TMEM268: variants seen among roughly 807,000 people sequenced by gnomAD.
TMEM268 encodes transmembrane protein 268.
Under a neutral mutation model 39.1 loss-of-function variants are expected in TMEM268, and 24 were observed. The observed-to-expected ratio is 0.61, with a 90% CI of 0.44 to 0.86. The LOEUF (loss-of-function observed/expected upper bound fraction) is 0.86. Among genes scored for constraint, TMEM268 ranks in the 40% least tolerant of loss-of-function variants. The pLI is 0.00. For synonymous variants in TMEM268, 176 were observed against 173.5 expected (o/e 1.01, Z -0.12); for missense variants, 409 against 428.6 (o/e 0.95, Z 0.40).
upstream of TMEM268, among the ~76,000 whole-genome samples, chr9:114,610,042 A>ATTTT (rs112492997): frequency 6.9e-6 from 1 of 145,818 alleles, no homozygotes; most frequent in East Asian, 2.0e-4. Context: ...GGTTTTTGCA[A>ATTTT]TTTTTTTTTT....
At chr9:114,607,287 GCTTA>G (rs1564278375), upstream of TMEM268, among the ~76,000 whole-genome samples, 1 of 152,170 alleles carries the variant, frequency 6.6e-6, no homozygotes, top group African/African-American at 2.4e-5. Context: ...TGCCCAAAAG[GCTTA>G]CTCTCTTTTT....
At chr9:114,633,506 C>A (rs1206987228) in intron 5 of TMEM268, among the ~76,000 whole-genome samples, 1 of 152,098 alleles carries the variant, frequency 6.6e-6, no homozygotes, top group African/African-American at 2.4e-5. Context: ...CGGCATCTCG[C>A]TACATTGTCC....
chr9:114,632,705 C>T (rs190949318), intron 5 of TMEM268, among the ~76,000 whole-genome samples: 91 of 152,314 alleles, frequency 6.0e-4, no homozygotes, highest in South Asian at 2.1e-3. Context: ...TGTGTCAGCT[C>T]AAACAGATCA....
chr9:114,617,979 C>T (rs1845801154), intron 2 of TMEM268, among the ~76,000 whole-genome samples: 2 of 152,040 alleles, frequency 1.3e-5, no homozygotes, highest in Non-Finnish European at 2.9e-5. Context: ...CAAGTTCAAG[C>T]AGTTCTCCTG....
At chr9:114,632,403 G>T (rs1846440116) in intron 5 of TMEM268, among the ~76,000 whole-genome samples, 1 of 152,152 alleles carries the variant, frequency 6.6e-6, no homozygotes, top group South Asian at 2.1e-4. Flanking sequence ...ACAGGGTGCT[G>T]CCCCTTTTGA....
chr9:114,626,762 A>G (rs1846178327), intron 3 of TMEM268, 137 bp from the exon 4 acceptor site: 2 of 595,958 alleles, frequency 3.4e-6, no homozygotes, highest in South Asian at 3.9e-5. Flanking sequence ...TGTGACTTCC[A>G]CCCAGTGCTC....
the TMEM268 span, among the ~76,000 whole-genome samples, chr9:114,604,770 A>G: frequency 6.6e-6 from 1 of 152,234 alleles, no homozygotes; most frequent in East Asian, 1.9e-4. Flanking sequence ...CTCTGCTTCT[A>G]TCAAGGGAAG....
rs945185215 is a variant in TMEM268, at chr9:114,643,543, T to C, written c.*230T>C. Reference sequence around the variant, plus strand: ...CCTGGCCTTTGCAGAAGCTGATGGTTACAGAGCTAGTCCCACCAAAGCTAC... The same window carrying C: ...CCTGGCCTTTGCAGAAGCTGATGGTCACAGAGCTAGTCCCACCAAAGCTAC... On this transcript the variant is annotated 3_prime_UTR_variant, in exon 9 of 9. Transcript: ENST00000288502. 1.8e-6 allele frequency: 1 copy of C among 543,274 alleles called. No homozygotes were observed. Among genetic ancestry groups the C allele is most frequent in the South Asian group, 2.3e-5 (1 of 43,912 alleles). The allele number at this position is 543,274 out of a possible 1,614,324, so 33.7% of individuals were successfully genotyped here.
At chr9:114,639,517 C>G (rs1296162267) in intron 8 of TMEM268, among the ~76,000 whole-genome samples, 2 of 152,052 alleles carry the variant, frequency 1.3e-5, no homozygotes, top group Non-Finnish European at 2.9e-5. Flanking sequence ...TGAAAATGTG[C>G]AGCTTGTGCT....
At chr9:114,633,727 A>T (rs1846505126) in intron 5 of TMEM268, 41 bp from the exon 6 acceptor site, 2 of 1,136,316 alleles carry the variant, frequency 1.8e-6, no homozygotes, top group African/African-American at 1.6e-5. Flanking sequence ...GCTCCCCAGT[A>T]GCATGGAGGT....
rs1846243325 is a variant in TMEM268, at chr9:114,628,242, C to G, written c.466C>G (p.Gln156Glu). The G allele has an allele frequency of 6.2e-7, 1 of 1,613,924 alleles. No homozygotes were observed. The highest frequency in any genetic ancestry group is 8.5e-7 in the Non-Finnish European group (1 of 1,179,932). Residue 156 changes from glutamine (Q) to glutamate (E), a missense_variant, in exon 5 of 9, where the codon CAG (glutamine) becomes GAG (glutamate). Physicochemically the swap from Gln to Glu is conservative, Grantham distance 29. Coordinates refer to ENST00000288502, the MANE Select transcript of TMEM268 (RefSeq NM_153045.4). ...LTLVLVFERHQKKANTNTDLR... is the reference protein window; with the variant it reads ...LTLVLVFERHEKKANTNTDLR... ...TCTTGTGCTGGTCTTTGAAAGACACCAGAAGAAGGTGAGATGTCTGGAGAT... is the reference window on the plus strand; with the variant it reads ...TCTTGTGCTGGTCTTTGAAAGACACGAGAAGAAGGTGAGATGTCTGGAGAT...
At chr9:114,641,965 A>G (rs1168990682) in intron 8 of TMEM268, among the ~76,000 whole-genome samples, 1 of 152,202 alleles carries the variant, frequency 6.6e-6, no homozygotes, top group Non-Finnish European at 1.5e-5. Context: ...AAAAGAAAAA[A>G]AAAAGTACAT....
At chr9:114,624,788 A>G (rs976333586) in intron 3 of TMEM268, among the ~76,000 whole-genome samples, 34 of 152,270 alleles carry the variant, frequency 2.2e-4, no homozygotes, top group African/African-American at 8.2e-4. Flanking sequence ...TATCATATAA[A>G]TGCCACAGAA....
At chr9:114,626,812 C>A in intron 3 of TMEM268, 87 bp from the exon 4 acceptor site, 1 of 975,296 alleles carries the variant, frequency 1.0e-6, no homozygotes, top group Non-Finnish European at 1.6e-6. Context: ...CCAGAATGTG[C>A]CTAATCCCCC....
Position 114,643,570 on chromosome 9 carries a change from C to G in TMEM268, c.*257C>G. ...CAGAGCTAGTCCCACCAAAGCTACT[C>G]TCTCTGCTGCTTAGAACTGTGGACA... On this transcript the variant is annotated 3_prime_UTR_variant, in exon 9 of 9. Transcript: ENST00000288502. 1 of 464,248 alleles carries G rather than the reference C, an allele frequency of 2.2e-6. No homozygotes were observed. Among genetic ancestry groups the G allele is most frequent in the South Asian group, 2.9e-5 (1 of 34,032 alleles). The allele number at this position is 464,248 out of a possible 1,614,324, so 28.8% of individuals were successfully genotyped here.
intron 5 of TMEM268, among the ~76,000 whole-genome samples, chr9:114,630,904 C>A (rs904119434): frequency 1.4e-5 from 2 of 144,256 alleles, no homozygotes; most frequent in Non-Finnish European, 3.0e-5. Flanking sequence ...TCTTCCTGAC[C>A]ATTGTCACTC....
At chr9:114,625,102 G>A (rs1030580524) in intron 3 of TMEM268, among the ~76,000 whole-genome samples, 2 of 152,170 alleles carry the variant, frequency 1.3e-5, no homozygotes, top group African/African-American at 4.8e-5. Context: ...CACTACCTGT[G>A]TGACTTTAGG....
chr9:114,638,460 G>A (rs1361571633), intron 7 of TMEM268, 84 bp from the exon 8 acceptor site: 11 of 1,038,726 alleles, frequency 1.1e-5, no homozygotes, highest in South Asian at 4.1e-5. Context: ...TCTTCTGCTC[G>A]GTCTGCAGCT....
upstream of TMEM268, among the ~76,000 whole-genome samples, chr9:114,610,059 G>A (rs2133574137): frequency 6.7e-6 from 1 of 149,620 alleles, no homozygotes; most frequent in South Asian, 2.1e-4. Context: ...TTTTTTTTGA[G>A]ATGGAGTTTT....
Sources: allele counts gnomAD v4.1 joint callset (sites outside exome capture counted in the v4.1 genomes callset), GRCh38; gene constraint gnomAD v4.1.1; transcripts MANE v1.5; gene names NCBI Gene and HGNC (gene_info 2026-07-23, HGNC 2026-07-21).